The following AKAP6 variants were observed in gnomAD, a reference collection of about 807,000 sequenced individuals.
AKAP6 encodes the protein A-kinase anchoring protein 6, also known as A-kinase anchor protein 6.
A neutral mutation model predicts 188.5 loss-of-function variants in AKAP6; 58 were observed. The observed-to-expected ratio is 0.31, with a 90% CI of 0.25 to 0.38. AKAP6 has a LOEUF of 0.38. Among genes scored for constraint, AKAP6 ranks in the 10% least tolerant of loss-of-function variants. AKAP6 has a pLI of 1.00. For synonymous variants in AKAP6, 989 were observed against 998.6 expected, an observed-to-expected ratio of 0.99 and a Z score of 0.18; for missense variants, 2,710 against 2,740.0, an observed-to-expected ratio of 0.99 and a Z score of 0.24.
intron 11 of AKAP6, 71 bp downstream of exon 11, chr14:32,735,953 T>G: frequency 8.6e-7 from 1 of 1,164,578 alleles, no homozygotes; most frequent in Non-Finnish European, 1.2e-6. Flanking sequence ...ATCAAGTACA[T>G]GAAGTATTAT....
chr14:32,394,072 T>C (rs1888797209), intron 1 of AKAP6, among the ~76,000 whole-genome samples: 2 of 152,136 alleles, frequency 1.3e-5, no homozygotes, highest in Admixed American at 6.5e-5. Context: ...TTACACATAA[T>C]ATAGTGCATG....
chr14:32,500,967 C>T (rs772443250), intron 2 of AKAP6, among the ~76,000 whole-genome samples: 1 of 152,108 alleles, frequency 6.6e-6, no homozygotes, highest in Non-Finnish European at 1.5e-5. Flanking sequence ...TTTCCCATTG[C>T]AAGTGCATTC....
At chr14:32,619,578 T>G (rs1329133956) in intron 7 of AKAP6, among the ~76,000 whole-genome samples, 1 of 152,224 alleles carries the variant, frequency 6.6e-6, no homozygotes, top group Non-Finnish European at 1.5e-5. Context: ...ACTATAGCCT[T>G]GTAGTATAAT....
chr14:32,501,068 A>G (rs1880586303), intron 2 of AKAP6, among the ~76,000 whole-genome samples: 1 of 152,168 alleles, frequency 6.6e-6, no homozygotes, highest in South Asian at 2.1e-4. Context: ...ACCCTGTCCA[A>G]TAAAAATACA....
chr14:32,547,062 A>G, intron 4 of AKAP6, 63 bp downstream of exon 4: 1 of 1,409,298 alleles, frequency 7.1e-7, no homozygotes, highest in South Asian at 1.3e-5. Context: ...TGCTGGGAGA[A>G]GGTCACACTC....
At chr14:32,344,069 C>T (rs1022321027) in intron 1 of AKAP6, among the ~76,000 whole-genome samples, 5 of 152,156 alleles carry the variant, frequency 3.3e-5, no homozygotes, top group Admixed American at 6.5e-5. Context: ...GGAGCTGGCC[C>T]CTGTGCGAAA....
chr14:32,349,593 A>G (rs536874813), intron 1 of AKAP6, among the ~76,000 whole-genome samples: 10 of 152,344 alleles, frequency 6.6e-5, no homozygotes, highest in Admixed American at 1.3e-4. Context: ...ATTTATTACA[A>G]ATGTGCATAA....
At chr14:32,354,364 G>T (rs1286919964) in intron 1 of AKAP6, among the ~76,000 whole-genome samples, 2 of 151,648 alleles carry the variant, frequency 1.3e-5, no homozygotes, top group African/African-American at 4.8e-5. Flanking sequence ...CTATAGCTGT[G>T]TGACCTTGGA....
At chr14:32,718,259 C>CA (rs963221816) in intron 9 of AKAP6, 83 of 982,624 alleles carry the variant, frequency 8.4e-5, no homozygotes, top group East Asian at 1.1e-4. Flanking sequence ...AGGAGAACAG[C>CA]AAAAAAAAGA....
chr14:32,379,049 G>T (rs1171602352), intron 1 of AKAP6, among the ~76,000 whole-genome samples: 1 of 151,590 alleles, frequency 6.6e-6, no homozygotes, highest in African/African-American at 2.4e-5. Flanking sequence ...CTCTGGAGTT[G>T]CTGGGATTAC....
At chr14:32,712,095 C>T (rs1170800944) in intron 9 of AKAP6, among the ~76,000 whole-genome samples, 3 of 151,938 alleles carry the variant, frequency 2.0e-5, no homozygotes, top group East Asian at 1.9e-4. Context: ...AGAGATATTG[C>T]AAGTTCAGGT....
At chr14:32,536,808 G>T (rs12887077) in intron 3 of AKAP6, among the ~76,000 whole-genome samples, 12,429 of 152,054 alleles carry the variant, frequency 0.082, 572 homozygotes, top group Admixed American at 0.15. Flanking sequence ...AAGTGTTTTT[G>T]CTTGCTAAGC....
At chr14:32,424,668 G>C (rs1889970452) in intron 1 of AKAP6, among the ~76,000 whole-genome samples, 1 of 151,902 alleles carries the variant, frequency 6.6e-6, no homozygotes, top group Non-Finnish European at 1.5e-5. Flanking sequence ...TCTACCCTCT[G>C]AAAGGCCCCA....
chr14:32,481,766 A>C (rs1345009432), intron 2 of AKAP6, among the ~76,000 whole-genome samples: 4 of 152,184 alleles, frequency 2.6e-5, no homozygotes, highest in Non-Finnish European at 4.4e-5. Context: ...AGCAAGCTGT[A>C]ACATCTCCCA....
intron 1 of AKAP6, among the ~76,000 whole-genome samples, chr14:32,400,563 CAAAAA>C (rs71432051): frequency 1.4e-5 from 1 of 73,984 alleles, no homozygotes; most frequent in Non-Finnish European, 2.3e-5. Context: ...CCACTTTTAG[CAAAAA>C]AAAAAAAAAA....
chr14:32,711,335 C>T (rs1175661136), intron 9 of AKAP6, among the ~76,000 whole-genome samples: 1 of 152,048 alleles, frequency 6.6e-6, no homozygotes, highest in Non-Finnish European at 1.5e-5. Flanking sequence ...GGATCCTATA[C>T]ATTTCTTTCA....
intron 11 of AKAP6, among the ~76,000 whole-genome samples, chr14:32,758,876 T>C (rs1391480298): frequency 6.6e-6 from 1 of 152,226 alleles, no homozygotes; most frequent in Non-Finnish European, 1.5e-5. Flanking sequence ...TCCTCTGGCA[T>C]TGGAACTCAG....
intron 12 of AKAP6, among the ~76,000 whole-genome samples, chr14:32,800,163 C>T (rs12879024): frequency 7.4e-4 from 39 of 52,686 alleles, no homozygotes; most frequent in African/African-American, 1.3e-3. Context: ...CATATATATA[C>T]ACATATATAT....
rs1198926049 is a variant in AKAP6 at position 32,831,942 on chromosome 14, G to C, written c.*2137G>C. 2 of 152,150 alleles carry C rather than the reference G, an allele frequency of 1.3e-5. No individual in the cohort carries two copies. The highest frequency in any genetic ancestry group is 4.8e-5 in the African/African-American group (2 of 41,430). 9.4% of individuals were successfully genotyped at this position (152,150 alleles called of 1,614,324 possible). ...GCACCTGATTTTATTTATCATTAGTGCCACGCCAAGATCATTTAGACGATG... is the reference window on the plus strand; with the variant it reads ...GCACCTGATTTTATTTATCATTAGTCCCACGCCAAGATCATTTAGACGATG... On this transcript the variant is annotated 3_prime_UTR_variant, in exon 14 of 14. Coordinates refer to ENST00000280979, the MANE Select transcript of AKAP6 (RefSeq NM_004274.5).
Sources: gnomAD v4.1 joint callset for allele counts (sites outside exome capture counted in the v4.1 genomes callset) on GRCh38, gnomAD v4.1.1 for gene constraint, MANE v1.5 for transcripts, NCBI Gene and HGNC (gene_info 2026-07-23, HGNC 2026-07-21) for gene names.